CBL: variants seen among roughly 807,000 people sequenced by gnomAD.
The protein encoded by CBL is Cbl proto-oncogene, also known as E3 ubiquitin-protein ligase CBL.
CBL carries 45 observed loss-of-function variants against 96.9 expected under a neutral mutation model. The observed-to-expected ratio is 0.46, with a 90% confidence interval of 0.37 to 0.60. The LOEUF is 0.60. CBL is among the 20% of genes least tolerant of loss of function. CBL has a pLI of 0.00. For missense variants in CBL, 1,024 were observed against 1,143.5 expected (o/e 0.90, Z 1.51); for synonymous variants, 420 against 426.8 (o/e 0.98, Z 0.20).
In CBL at chr11:119,249,007, G is replaced by T. The variant is rs186553673; in HGVS notation, c.443+16312G>T. Among the ~76,000 whole-genome samples, 1,256 of 149,960 alleles carry T rather than the reference G, an allele frequency of 8.4e-3. 21 individuals carry two copies. The highest frequency in any genetic ancestry group is 0.03 in the African/African-American group (1,186 of 39,408). On this transcript the variant is annotated intron_variant, in intron 2 of 15. Coordinates refer to ENST00000264033, the MANE Select transcript of CBL (RefSeq NM_005188.4). ...GCATTGGTGATAGGAATAGAAAATGGTACAGCCACTGTGGGAAACAGTTTG... is the reference window on the plus strand; with the variant it reads ...GCATTGGTGATAGGAATAGAAAATGTTACAGCCACTGTGGGAAACAGTTTG...
At position 119,264,363 on chromosome 11, in the gene CBL, T is replaced by C. The variant is rs1451385405; in HGVS notation, c.444-7372T>C. ...GTGAGTCCCTATGCCTGACCTCCAGTCTTTTATTATGATCTTTCTTTTCTT... is the reference window on the plus strand; with the variant it reads ...GTGAGTCCCTATGCCTGACCTCCAGCCTTTTATTATGATCTTTCTTTTCTT... On this transcript the variant is annotated intron_variant, in intron 2 of 15. Coordinates refer to ENST00000264033, the MANE Select transcript of CBL (RefSeq NM_005188.4). 2.7e-5 allele frequency among the ~76,000 whole-genome samples: 4 copies of C among 150,252 alleles called. No homozygotes were observed. The South Asian group carries it at 8.3e-4, about 31-fold the overall frequency.
intron 1 of CBL, among the ~76,000 whole-genome samples, chr11:119,208,006 G>A (rs1437763568): frequency 6.6e-6 from 1 of 152,160 alleles, no homozygotes. Context: ...CCTTTTTAGG[G>A]CTGGCTTTTC....
rs1949338964 is a variant in CBL, at chr11:119,214,090, GTGT to G, written c.195+7479_195+7481del. Among the ~76,000 whole-genome samples the G allele has an allele frequency of 3.3e-5, 5 of 152,086 alleles. No homozygotes were observed. The East Asian group carries it at 9.6e-4, about 29-fold the overall frequency. ...CTCCTGAGTAGCTGGGACTACAGGTGTGTGCTACCACAGCCGGCTAATTTTTGT... is the reference window on the plus strand; with the variant it reads ...CTCCTGAGTAGCTGGGACTACAGGTGGCTACCACAGCCGGCTAATTTTTGT... On this transcript the variant is annotated intron_variant, in intron 1 of 15. Coordinates refer to ENST00000264033, the MANE Select transcript of CBL (RefSeq NM_005188.4).
intron 3 of CBL, among the ~76,000 whole-genome samples, chr11:119,273,559 TA>T (rs1949864696): frequency 6.6e-6 from 1 of 152,204 alleles, no homozygotes; most frequent in South Asian, 2.1e-4. Flanking sequence ...TAGCTGGAAC[TA>T]ATTAGTCTGG....
rs1049926147 is a variant in CBL at position 119,300,018 on chromosome 11, G to C, written c.*237G>C. On this transcript the variant is annotated 3_prime_UTR_variant, in exon 16 of 16. Coordinates refer to ENST00000264033, the MANE Select transcript of CBL (RefSeq NM_005188.4). Reference sequence around the variant, plus strand: ...TTTGAAGGTGTCCTTCAGTTCCCACGTAGAGAGAGTGTGGATTATATTACA... The same window carrying C: ...TTTGAAGGTGTCCTTCAGTTCCCACCTAGAGAGAGTGTGGATTATATTACA... 1.7e-6 allele frequency: 1 copy of C among 599,596 alleles called. No homozygotes were observed. The highest frequency in any genetic ancestry group is 1.9e-5 in the African/African-American group (1 of 53,858). 37.1% of individuals were successfully genotyped at this position (599,596 alleles called of 1,614,324 possible). A position where few individuals can be genotyped will look rare whatever the true frequency, so the allele number is the denominator to read the frequency against.
At chr11:119,208,138 G>T (rs1056144714) in intron 1 of CBL, among the ~76,000 whole-genome samples, 2 of 152,124 alleles carry the variant, frequency 1.3e-5, no homozygotes, top group Non-Finnish European at 2.9e-5. Context: ...AAGTTTAGGT[G>T]TGTAAAGGAA....
intron 2 of CBL, among the ~76,000 whole-genome samples, chr11:119,239,735 G>T (rs751524681): frequency 2.0e-5 from 3 of 151,784 alleles, no homozygotes; most frequent in Non-Finnish European, 4.4e-5. Flanking sequence ...CTTTTCATCA[G>T]GTTAAAGAAG....
chr11:119,215,797 A>C (rs891993469), intron 1 of CBL, among the ~76,000 whole-genome samples: 1 of 152,122 alleles, frequency 6.6e-6, no homozygotes, highest in Non-Finnish European at 1.5e-5. Context: ...ACTGCACTCC[A>C]GCCTGAGCGA....
At position 119,247,621 on chromosome 11, in the gene CBL, G is replaced by C. The variant is rs1182620086; in HGVS notation, c.443+14926G>C. Among the ~76,000 whole-genome samples the C allele has an allele frequency of 4.1e-4, 63 of 152,166 alleles. 1 individual carries two copies. The highest frequency in any genetic ancestry group is 2.9e-5 in the Non-Finnish European group (2 of 68,030). ...AGGTCAAGAGTTCAAGACTAGCCTGGCCAACATGGTGAAACCCTGTCTCTA... is the reference window on the plus strand; with the variant it reads ...AGGTCAAGAGTTCAAGACTAGCCTGCCCAACATGGTGAAACCCTGTCTCTA... On this transcript the variant is annotated intron_variant, in intron 2 of 15. Transcript: ENST00000264033.
chr11:119,206,626 T>G lies in CBL; in HGVS notation c.195+14T>G, dbSNP rs1011872703. 9.0e-5 allele frequency: 139 copies of G among 1,544,056 alleles called. No homozygotes were observed. Among genetic ancestry groups the G allele is most frequent in the Non-Finnish European group, 1.2e-4 (134 of 1,144,488 alleles). On this transcript the variant is annotated intron_variant, in intron 1 of 15. Coordinates refer to ENST00000264033, the MANE Select transcript of CBL (RefSeq NM_005188.4). ...CTCATGGACAAGGTGAAAGGCCGGC[T>G]GAGCGCCCGCTGTTGCAGGGTGGGC...
chr11:119,266,642 A>G (rs1449689888), intron 2 of CBL, among the ~76,000 whole-genome samples: 1 of 152,172 alleles, frequency 6.6e-6, no homozygotes, highest in Non-Finnish European at 1.5e-5. Context: ...AAAAAAAGAT[A>G]CTGCATACAG....
At position 119,307,431 on chromosome 11, in the gene CBL, C is replaced by A. The variant is rs928202814; in HGVS notation, c.*7650C>A. 4.3e-6 allele frequency: 1 copy of A among 232,472 alleles called. No individual in the cohort carries two copies. The highest frequency in any genetic ancestry group is 6.1e-5 in the East Asian group (1 of 16,422). 14.4% of individuals were successfully genotyped at this position (232,472 alleles called of 1,614,324 possible). ...ATCCTGAACTGGTCTAGACCTCCTG[C>A]CCCCACCCCCCAGCCCCCATCAGAT... On this transcript the variant is annotated 3_prime_UTR_variant, in exon 16 of 16. Transcript: ENST00000264033.
intron 2 of CBL, among the ~76,000 whole-genome samples, chr11:119,235,999 G>A (rs544004201): frequency 6.6e-5 from 10 of 152,134 alleles, no homozygotes; most frequent in South Asian, 2.1e-4. Context: ...GGGTTTTTGC[G>A]AATGATCTTT....
At chr11:119,255,628 A>G (rs1350375432) in intron 2 of CBL, among the ~76,000 whole-genome samples, 1 of 152,142 alleles carries the variant, frequency 6.6e-6, no homozygotes, top group Non-Finnish European at 1.5e-5. Flanking sequence ...GCTAGTACAT[A>G]TAAATTTTTT....
At chr11:119,273,025 T>C (rs1949860664) in intron 3 of CBL, among the ~76,000 whole-genome samples, 1 of 151,872 alleles carries the variant, frequency 6.6e-6, no homozygotes, top group African/African-American at 2.4e-5. Context: ...TTGCCTAGTC[T>C]GGTGTGCAGT....
At chr11:119,291,289 G>A (rs1950025467) in intron 12 of CBL, among the ~76,000 whole-genome samples, 1 of 152,192 alleles carries the variant, frequency 6.6e-6, no homozygotes, top group African/African-American at 2.4e-5. Context: ...CTACTGGGGA[G>A]GCTAAGGTTT....
At chr11:119,236,959 T>TG (rs991968443) in intron 2 of CBL, among the ~76,000 whole-genome samples, 1 of 152,222 alleles carries the variant, frequency 6.6e-6, no homozygotes, top group Non-Finnish European at 1.5e-5. Context: ...TGGAAAATTC[T>TG]AGAAATAATT....
chr11:119,271,422 G>A (rs1407205079), intron 2 of CBL, among the ~76,000 whole-genome samples: 1 of 152,186 alleles, frequency 6.6e-6, no homozygotes, highest in Non-Finnish European at 1.5e-5. Flanking sequence ...TACAAGTGGA[G>A]GCAGTGAATG....
intron 2 of CBL, among the ~76,000 whole-genome samples, chr11:119,237,247 G>T (rs1318794016): frequency 2.0e-5 from 3 of 152,150 alleles, no homozygotes; most frequent in African/African-American, 7.2e-5. Context: ...CAAATCCTTT[G>T]CCCATTTTAA....
Sources: allele counts gnomAD v4.1 joint callset (sites outside exome capture counted in the v4.1 genomes callset), GRCh38; gene constraint gnomAD v4.1.1; transcripts MANE v1.5; gene names NCBI Gene and HGNC (gene_info 2026-07-23, HGNC 2026-07-21).